Variants in ASB4 observed in about 807,000 individuals in gnomAD.
ASB4 encodes ankyrin repeat and SOCS box protein 4.
ASB4 carries 35 observed loss-of-function variants against 38.6 expected under a neutral mutation model. That is an observed-to-expected ratio of 0.91 (90% CI 0.69 to 1.20). The LOEUF (loss-of-function observed/expected upper bound fraction) is 1.20. Among genes scored for constraint, ASB4 ranks in the 50% most tolerant of loss-of-function variants. ASB4 has a pLI of 0.00. For missense variants in ASB4, 557 were observed against 527.2 expected, an observed-to-expected ratio of 1.06 and a Z score of -0.55; for synonymous variants, 195 against 201.3, an observed-to-expected ratio of 0.97 and a Z score of 0.26.
At chr7:95,511,320 C>G (rs1487293660) in intron 2 of ASB4, among the ~76,000 whole-genome samples, 3 of 152,054 alleles carry the variant, frequency 2.0e-5, no homozygotes, top group Non-Finnish European at 1.5e-5. Context: ...GAAAGCAAAT[C>G]ACTCCAGCCC....
At chr7:95,522,005 G>A (rs1351315814) in intron 2 of ASB4, among the ~76,000 whole-genome samples, 1 of 151,990 alleles carries the variant, frequency 6.6e-6, no homozygotes, top group South Asian at 2.1e-4. Context: ...TCAAATATGG[G>A]TATGGTGTAC....
intron 1 of ASB4, among the ~76,000 whole-genome samples, chr7:95,489,814 G>A (rs1327910624): frequency 1.3e-5 from 2 of 152,218 alleles, no homozygotes; most frequent in Non-Finnish European, 2.9e-5. Context: ...AGTATTTAGA[G>A]TGAAGTCAAG....
chr7:95,515,265 TTC>T (rs746135243), intron 2 of ASB4, among the ~76,000 whole-genome samples: 1,002 of 94,928 alleles, frequency 0.011, 23 homozygotes, highest in Non-Finnish European at 0.015. Context: ...CTTTCTTTCT[TTC>T]TCTTTCTTTC....
At chr7:95,493,765 T>C (rs1012125250) in intron 1 of ASB4, among the ~76,000 whole-genome samples, 4 of 152,176 alleles carry the variant, frequency 2.6e-5, no homozygotes, top group African/African-American at 9.7e-5. Flanking sequence ...TATTTGCATA[T>C]GATAGCATAG....
downstream of ASB4, chr7:95,544,335 G>A (rs1791007225): frequency 6.6e-6 from 1 of 152,190 alleles, no homozygotes; most frequent in South Asian, 2.1e-4. Flanking sequence ...AGTCTTTCAG[G>A]GATCCCAGGA....
intron 2 of ASB4, among the ~76,000 whole-genome samples, chr7:95,521,694 A>G (rs2116634943): frequency 6.6e-6 from 1 of 152,166 alleles, no homozygotes; most frequent in East Asian, 1.9e-4. Context: ...ATTAAAAAAA[A>G]AAAAACAGTT....
intron 2 of ASB4, among the ~76,000 whole-genome samples, chr7:95,526,591 C>A (rs1790740272): frequency 6.6e-6 from 1 of 152,116 alleles, no homozygotes; most frequent in Admixed American, 6.5e-5. Context: ...CAATTATTAA[C>A]CTCTCTGAGT....
At chr7:95,516,302 G>A (rs1282873567) in intron 2 of ASB4, among the ~76,000 whole-genome samples, 2 of 152,086 alleles carry the variant, frequency 1.3e-5, no homozygotes, top group African/African-American at 4.8e-5. Flanking sequence ...GAGTTATTCA[G>A]TCTTATCTAT....
At chr7:95,524,011 A>G (rs967300413) in intron 2 of ASB4, among the ~76,000 whole-genome samples, 3 of 152,240 alleles carry the variant, frequency 2.0e-5, no homozygotes, top group African/African-American at 7.2e-5. Context: ...TAAGGATGTA[A>G]TACAATGAGA....
At chr7:95,516,199 A>G (rs947571429) in intron 2 of ASB4, among the ~76,000 whole-genome samples, 3 of 152,238 alleles carry the variant, frequency 2.0e-5, no homozygotes, top group African/African-American at 7.2e-5. Context: ...TCCTTCAACG[A>G]AAACACCTTT....
At chr7:95,496,847 C>T (rs1790256653) in intron 2 of ASB4, among the ~76,000 whole-genome samples, 1 of 151,022 alleles carries the variant, frequency 6.6e-6, no homozygotes, top group Admixed American at 6.6e-5. Flanking sequence ...GACCCTGTCT[C>T]AAAACAAAAA....
intron 3 of ASB4, among the ~76,000 whole-genome samples, chr7:95,533,412 G>A (rs999491434): frequency 3.3e-5 from 5 of 152,142 alleles, no homozygotes; most frequent in Admixed American, 2.6e-4. Context: ...TAAAGATGAG[G>A]ACAGGGCAGC....
At chr7:95,521,898 A>G (rs536158463) in intron 2 of ASB4, among the ~76,000 whole-genome samples, 2 of 152,246 alleles carry the variant, frequency 1.3e-5, no homozygotes, top group East Asian at 3.9e-4. Flanking sequence ...TGGAGGAAAA[A>G]ATTATGGGAG....
chr7:95,526,656 T>G (rs1045294653), intron 2 of ASB4, among the ~76,000 whole-genome samples: 1 of 152,168 alleles, frequency 6.6e-6, no homozygotes, highest in African/African-American at 2.4e-5. Flanking sequence ...CTGCAAAGGA[T>G]TACTTGGAAG....
At chr7:95,526,686 G>A (rs147908060) in intron 2 of ASB4, among the ~76,000 whole-genome samples, 34 of 152,290 alleles carry the variant, frequency 2.2e-4, no homozygotes, top group African/African-American at 8.2e-4. Context: ...GGCAATATAT[G>A]AAAAGCATTT....
chr7:95,535,656 G>T (rs1303621578), intron 3 of ASB4, among the ~76,000 whole-genome samples: 3 of 152,158 alleles, frequency 2.0e-5, no homozygotes, highest in African/African-American at 4.8e-5. Flanking sequence ...ATCTCCTGAA[G>T]GAGATTCTGG....
the ASB4 span, among the ~76,000 whole-genome samples, chr7:95,547,518 C>A: frequency 6.6e-6 from 1 of 151,946 alleles, no homozygotes; most frequent in Non-Finnish European, 1.5e-5. Flanking sequence ...GTGAATATAC[C>A]AAAATAAATA....
chr7:95,534,976 C>A (rs528120623), intron 3 of ASB4, among the ~76,000 whole-genome samples: 2 of 152,292 alleles, frequency 1.3e-5, no homozygotes, highest in African/African-American at 4.8e-5. Flanking sequence ...TTCATCTTAC[C>A]AGCTCTGACC....
chr7:95,529,329 T>C (rs971906725), intron 3 of ASB4, among the ~76,000 whole-genome samples: 2 of 152,224 alleles, frequency 1.3e-5, no homozygotes, highest in East Asian at 3.8e-4. Context: ...GAGTTTGAAG[T>C]ATACAACAAC....
Sources: gnomAD v4.1 joint callset for allele counts (sites outside exome capture counted in the v4.1 genomes callset) on GRCh38, gnomAD v4.1.1 for gene constraint, MANE v1.5 for transcripts, NCBI Gene and HGNC (gene_info 2026-07-23, HGNC 2026-07-21) for gene names.